CCKAR: variants seen among roughly 807,000 people sequenced by gnomAD.
CCKAR encodes cholecystokinin A receptor, also known as cholecystokinin receptor type A.
Under a neutral mutation model 29.8 loss-of-function variants are expected in CCKAR, and 21 were observed. That is an observed-to-expected ratio of 0.70 (90% CI 0.50 to 1.01). The LOEUF is 1.01. CCKAR is among the 50% of genes least tolerant of loss of function. The pLI is 0.00. For missense variants in CCKAR, 570 were observed against 560.6 expected, an observed-to-expected ratio of 1.02 and a Z score of -0.17; for synonymous variants, 238 against 221.3, an observed-to-expected ratio of 1.08 and a Z score of -0.67.
At chr4:26,482,192 C>T (rs771166275) in intron 4 of CCKAR, 22 bp from the exon 5 acceptor site, 4 of 1,586,628 alleles carry the variant, frequency 2.5e-6, no homozygotes, top group Non-Finnish European at 1.7e-6. Context: ...AGAGACATCA[C>T]TCATTGCTGG....
Position 26,483,160 on chromosome 4 carries a change from A to C in CCKAR, c.750T>G (p.Ala250=). 6.2e-7 allele frequency: 1 copy of C among 1,613,594 alleles called. No individual in the cohort carries two copies. Among genetic ancestry groups the C allele is most frequent in the Non-Finnish European group, 8.5e-7 (1 of 1,179,852 alleles). ...ACACAGCTACAAGATAGTTACCTTT[A>C]GCAGACTTCTTCTGGCTAGCCTCAA... The part of the protein sequence containing the change: ...IKFEASQKKS[A]KERKPSTTSS... The change falls in exon 4 of 5, where the codon GCT becomes GCG. Residue 250 remains alanine, a synonymous_variant. Coordinates refer to ENST00000295589, the MANE Select transcript of CCKAR (RefSeq NM_000730.3).
At chr4:26,484,129 T>A (rs1737400938) in intron 3 of CCKAR, among the ~76,000 whole-genome samples, 1 of 152,216 alleles carries the variant, frequency 6.6e-6, no homozygotes, top group African/African-American at 2.4e-5. Context: ...CCTCCTTCTT[T>A]ATGAGTCTGG....
At chr4:26,486,753 CAA>C (rs2109880221) in intron 2 of CCKAR, among the ~76,000 whole-genome samples, 1 of 152,040 alleles carries the variant, frequency 6.6e-6, no homozygotes, top group East Asian at 1.9e-4. Context: ...ATCTCTACTA[CAA>C]ATACAAAAAT....
In CCKAR at chr4:26,482,142, G is replaced by C. The variant is rs200079526; in HGVS notation, c.783C>G (p.Gly261=). ...KERKPSTTSS[G]KYEDSDGCYL... is the part of the protein sequence containing the mutation. ...AACACCCATCGCTGTCCTCATATTTGCCGCTGCTGGTGGTGCTAGGTTTCC... is the reference window on the plus strand; with the variant it reads ...AACACCCATCGCTGTCCTCATATTTCCCGCTGCTGGTGGTGCTAGGTTTCC... Residue 261 remains glycine, a synonymous_variant, in exon 5 of 5, where the codon GGC becomes GGG. Coordinates refer to ENST00000295589, the MANE Select transcript of CCKAR (RefSeq NM_000730.3). 2 of 1,611,684 alleles carry C rather than the reference G, an allele frequency of 1.2e-6. No individual in the cohort carries two copies. The highest frequency in any genetic ancestry group is 4.5e-5 in the East Asian group (2 of 44,814).
At chr4:26,484,726 T>A in intron 3 of CCKAR, among the ~76,000 whole-genome samples, 1 of 152,024 alleles carries the variant, frequency 6.6e-6, no homozygotes. Flanking sequence ...TTGGGACTCA[T>A]TCCCTGCTCT....
rs567297961 is a variant in CCKAR at position 26,490,149 on chromosome 4, C to A, written c.112+7G>T. 1.3e-6 allele frequency: 2 copies of A among 1,591,036 alleles called. No homozygotes were observed. On this transcript the variant is annotated splice_region_variant and intron_variant, in intron 1 of 4. Transcript: ENST00000295589. Reference sequence around the variant, plus strand: ...CCTGAATTAAAATAACAGCTTCCGACACTTACCTTTGGAAGGACGGGGCTG... The same window carrying A: ...CCTGAATTAAAATAACAGCTTCCGAAACTTACCTTTGGAAGGACGGGGCTG...
chr4:26,483,854 T>C (rs910898988), intron 3 of CCKAR, among the ~76,000 whole-genome samples: 3 of 152,220 alleles, frequency 2.0e-5, no homozygotes, highest in African/African-American at 7.2e-5. Flanking sequence ...TTCCAGAACC[T>C]AGAAGCTATG....
rs769427298 is a variant in CCKAR at position 26,482,082 on chromosome 4, C to T, written c.843G>A (p.Glu281=). 6.2e-7 allele frequency: 1 copy of T among 1,614,234 alleles called. No individual in the cohort carries two copies. Among genetic ancestry groups the T allele is most frequent in the Non-Finnish European group, 8.5e-7 (1 of 1,180,048 alleles). ...LQKTRPPRKL[E]LRQLSTGSSS... is the part of the protein sequence containing the mutation. The stretch of plus-strand genomic sequence containing the variant: ...TGCTGCCGGTGGACAGCTGCCGGAG[C>T]TCCAGCTTCCTCGGGGGCCTGGTCT... The change falls in exon 5 of 5, where the codon GAG becomes GAA. Residue 281 remains glutamate, a synonymous_variant. Transcript: ENST00000295589.
rs776397508 is a variant in CCKAR at position 26,481,663 on chromosome 4, A to C, written c.1262T>G (p.Met421Arg). The C allele has an allele frequency of 3.1e-6, 5 of 1,614,160 alleles. No individual in the cohort carries two copies. Among genetic ancestry groups the C allele is most frequent in the Non-Finnish European group, 4.2e-6 (5 of 1,180,030 alleles). The change falls in exon 5 of 5, where the codon ATG (methionine) becomes AGG (arginine). Residue 421 changes from methionine to arginine, a missense_variant. Physicochemically the swap from Met to Arg is moderately conservative, Grantham distance 91. Coordinates refer to ENST00000295589, the MANE Select transcript of CCKAR (RefSeq NM_000730.3). ...ASLSRFSYSHMSASVPPQ is the reference protein window; with the variant it reads ...ASLSRFSYSHRSASVPPQ ...TCACTGGGGTGGCACCGAGGCACTC[A>C]TATGGCTGTACGAGAACCTGGACAG... is the stretch of plus-strand genomic sequence containing the variant.
intron 3 of CCKAR, 126 bp downstream of exon 3, chr4:26,485,511 A>C: frequency 1.1e-6 from 1 of 941,736 alleles, no homozygotes; most frequent in Admixed American, 2.3e-5. Flanking sequence ...CGAGGCTAGA[A>C]AGACCTTCTC....
rs1282759085 is a variant in CCKAR, at chr4:26,489,450, G to A, written c.147C>T (p.Ser49=). The part of the protein sequence containing the change: ...WQPAVQILLY[S]LIFLLSVLGN... ...CCAGCACGCTGAGCAGGAATATCAA[G>A]GAGTACAAGAGAATCTGCACCGCTG... is the stretch of plus-strand genomic sequence containing the variant. The change falls in exon 2 of 5, where the codon TCC becomes TCT. Residue 49 remains serine, a synonymous_variant. Coordinates refer to ENST00000295589, the MANE Select transcript of CCKAR (RefSeq NM_000730.3). The A allele has an allele frequency of 1.9e-6, 3 of 1,613,956 alleles. No individual in the cohort carries two copies. Among genetic ancestry groups the A allele is most frequent in the Middle Eastern group, 1.6e-4 (1 of 6,084 alleles).
rs1737534470 is a variant in CCKAR, at chr4:26,490,344, A to G, written c.-77T>C. 1 of 965,138 alleles carries G rather than the reference A, an allele frequency of 1.0e-6. No individual in the cohort carries two copies. Among genetic ancestry groups the G allele is most frequent in the Non-Finnish European group, 1.7e-6 (1 of 604,634 alleles). The allele number at this position is 965,138 out of a possible 1,614,324, so 59.8% of individuals were successfully genotyped here. A position where few individuals can be genotyped will look rare whatever the true frequency, so the allele number is the denominator to read the frequency against. ...CCCGGCTCATTCCTCTAATGACCGA[A>G]GCGTCTCGCAGATGCAACCTGCCGT... On this transcript the variant is annotated 5_prime_UTR_variant, in exon 1 of 5. Transcript: ENST00000295589.
intron 4 of CCKAR, 71 bp from the exon 5 acceptor site, chr4:26,482,241 T>C: frequency 6.9e-7 from 1 of 1,441,692 alleles, no homozygotes; most frequent in Non-Finnish European, 9.4e-7. Context: ...GAGCCCCCAC[T>C]CCCCTCCATC....
chr4:26,482,443 A>T (rs937918847), intron 4 of CCKAR, among the ~76,000 whole-genome samples: 20 of 152,070 alleles, frequency 1.3e-4, no homozygotes, highest in Admixed American at 6.5e-4. Context: ...GAATATTCAC[A>T]CTCTTCTCCT....
chr4:26,489,584 C>G (rs1471011858), intron 1 of CCKAR, 100 bp from the exon 2 acceptor site: 4 of 1,383,394 alleles, frequency 2.9e-6, no homozygotes, highest in Non-Finnish European at 4.0e-6. Context: ...TTCCCCCCAC[C>G]GGGGTGTACA....
chr4:26,489,203 C>T lies in CCKAR; in HGVS notation c.364+30G>A, dbSNP rs754898946. On this transcript the variant is annotated intron_variant, in intron 2 of 4. Transcript: ENST00000295589. ...GGGGCTGAGTGGGGTCTGGGGCAAG[C>T]TCCAGAAAGAGTCACCAGCAGCAAC... is the stretch of plus-strand genomic sequence containing the variant. 53 of 1,612,702 alleles carry T rather than the reference C, an allele frequency of 3.3e-5. 1 individual carries two copies. In the South Asian group the frequency reaches 5.2e-4, roughly 16 times the overall value.
intron 3 of CCKAR, 35 bp from the exon 4 acceptor site, chr4:26,483,318 C>T: frequency 5.0e-6 from 8 of 1,605,932 alleles, no homozygotes; most frequent in Non-Finnish European, 5.9e-6. Context: ...TAACCAGCAA[C>T]TTTAGACCTT....
intron 2 of CCKAR, among the ~76,000 whole-genome samples, chr4:26,488,694 G>A (rs1285532916): frequency 6.6e-6 from 1 of 152,160 alleles, no homozygotes; most frequent in East Asian, 1.9e-4. Flanking sequence ...GCTTTGGGGA[G>A]AACAGGCTGG....
intron 2 of CCKAR, among the ~76,000 whole-genome samples, chr4:26,487,299 C>T (rs956789240): frequency 2.0e-5 from 3 of 152,080 alleles, no homozygotes; most frequent in Admixed American, 6.6e-5. Context: ...TCTAGCTTTC[C>T]TTAGAGTCTT....
Sources: gnomAD v4.1 joint callset for allele counts (sites outside exome capture counted in the v4.1 genomes callset) on GRCh38, gnomAD v4.1.1 for gene constraint, MANE v1.5 for transcripts, NCBI Gene and HGNC (gene_info 2026-07-23, HGNC 2026-07-21) for gene names.